The following PPHLN1 variants were observed in gnomAD, a reference collection of about 807,000 sequenced individuals.
The protein encoded by PPHLN1 is periphilin-1.
PPHLN1 carries 29 observed loss-of-function variants against 51.3 expected under a neutral mutation model. That is an observed-to-expected ratio of 0.57 (90% CI 0.42 to 0.77). PPHLN1 has a LOEUF of 0.77. PPHLN1 is among the 30% of genes least tolerant of loss of function. The pLI is 0.00. For missense variants in PPHLN1, 436 were observed against 438.4 expected (o/e 0.99, Z 0.05); for synonymous variants, 147 against 147.8 (o/e 0.99, Z 0.04).
chr12:42,428,820 C>CTT (rs59053077), intron 9 of PPHLN1, among the ~76,000 whole-genome samples: 22,176 of 117,800 alleles, frequency 0.19, 1,959 homozygotes, highest in African/African-American at 0.26. Flanking sequence ...TTTTTAACTT[C>CTT]TTTTTTTTTT....
chr12:42,351,842 G>C (rs1393524881), intron 2 of PPHLN1, 43 bp from the exon 3 acceptor site: 1 of 1,491,390 alleles, frequency 6.7e-7, no homozygotes, highest in Admixed American at 2.7e-5. Context: ...AAACCAAATA[G>C]AGAAATTAGT....
In PPHLN1 at chr12:42,426,228, A is replaced by C. The variant is rs74078949; in HGVS notation, c.910-15087A>C. On this transcript the variant is annotated intron_variant, in intron 9 of 9. Coordinates refer to ENST00000358314, the MANE Select transcript of PPHLN1 (RefSeq NM_201439.2). ...CACACACACACACACACACACACAC[A>C]CCCTCATGCATTGTCTCATGGCAGT... 8.1e-3 allele frequency among the ~76,000 whole-genome samples: 1,055 copies of C among 129,834 alleles called. 9 individuals are homozygous for C. The highest frequency in any genetic ancestry group is 0.023 in the South Asian group (93 of 3,962). The allele number at this position is 129,834 out of a possible 152,430, so 85.2% of individuals were successfully genotyped here. A position where few individuals can be genotyped will look rare whatever the true frequency, so the allele number is the denominator to read the frequency against.
chr12:42,419,069 C>A (rs547928850), intron 9 of PPHLN1, among the ~76,000 whole-genome samples: 96 of 152,090 alleles, frequency 6.3e-4, no homozygotes, highest in African/African-American at 2.2e-3. Flanking sequence ...AAAATAAAAA[C>A]AAAGAAATTG....
intron 9 of PPHLN1, among the ~76,000 whole-genome samples, chr12:42,423,832 A>G (rs1455921496): frequency 6.6e-6 from 1 of 152,084 alleles, no homozygotes; most frequent in Non-Finnish European, 1.5e-5. Flanking sequence ...ATGAGCCACC[A>G]CACCCAGCTA....
intron 8 of PPHLN1, among the ~76,000 whole-genome samples, chr12:42,398,276 G>C (rs2078456786): frequency 6.6e-6 from 1 of 152,086 alleles, no homozygotes; most frequent in South Asian, 2.1e-4. Flanking sequence ...AATGATTTCA[G>C]TGAATTATTA....
chr12:42,361,802 T>C (rs1433215012), intron 4 of PPHLN1: 2 of 152,268 alleles, frequency 1.3e-5, no homozygotes, highest in African/African-American at 4.8e-5. Flanking sequence ...TGAATTGTTT[T>C]CAACTTTTGG....
intron 9 of PPHLN1, among the ~76,000 whole-genome samples, chr12:42,411,903 CAAAAA>C (rs1212289027): frequency 2.9e-5 from 1 of 33,986 alleles, no homozygotes; most frequent in East Asian, 1.1e-3. Context: ...GACTCAGTCT[CAAAAA>C]AAAAAAAAAA....
chr12:42,353,888 T>C (rs1217578539), intron 3 of PPHLN1, among the ~76,000 whole-genome samples: 1 of 152,218 alleles, frequency 6.6e-6, no homozygotes, highest in Non-Finnish European at 1.5e-5. Context: ...TGTTACCAAT[T>C]GTGTTTGTCT....
At position 42,442,026 on chromosome 12, in the gene PPHLN1, C is replaced by T. The variant is rs2083006287; in HGVS notation, c.*517C>T. ...GAGCACTTAAATCTCTGAGAGATAC[C>T]TCAGAAAAAAATCCGTTTTTCCAAG... On this transcript the variant is annotated 3_prime_UTR_variant, in exon 10 of 10. Coordinates refer to ENST00000358314, the MANE Select transcript of PPHLN1 (RefSeq NM_201439.2). 1.1e-6 allele frequency: 1 copy of T among 942,652 alleles called. No individual in the cohort carries two copies. Among genetic ancestry groups the T allele is most frequent in the Non-Finnish European group, 1.3e-6 (1 of 791,138 alleles). The allele number at this position is 942,652 out of a possible 1,614,324, so 58.4% of individuals were successfully genotyped here.
At chr12:42,352,726 C>G (rs901115971) in intron 3 of PPHLN1, among the ~76,000 whole-genome samples, 7 of 152,022 alleles carry the variant, frequency 4.6e-5, no homozygotes, top group Admixed American at 3.9e-4. Flanking sequence ...AGCCACCACT[C>G]CCAGCCTAAA....
At chr12:42,416,943 A>G (rs2080442011) in intron 9 of PPHLN1, among the ~76,000 whole-genome samples, 1 of 152,194 alleles carries the variant, frequency 6.6e-6, no homozygotes, top group Non-Finnish European at 1.5e-5. Flanking sequence ...CCAGAAAAAA[A>G]GTGTTTGAAT....
downstream of PPHLN1, chr12:42,446,397 C>T: frequency 7.0e-7 from 1 of 1,435,640 alleles, no homozygotes; most frequent in Non-Finnish European, 9.3e-7. Context: ...CCCTTCCCAG[C>T]GTCTAGCAGT....
At chr12:42,329,094 A>ATTTTTTTTTTTTTTT (rs775555753) in intron 1 of PPHLN1, among the ~76,000 whole-genome samples, 4 of 141,426 alleles carry the variant, frequency 2.8e-5, no homozygotes, top group African/African-American at 1.1e-4. Flanking sequence ...TGGAATTTCA[A>ATTTTTTTTTTTTTTT]TTTTTTTTTT....
At chr12:42,413,811 C>T (rs976714687) in intron 9 of PPHLN1, among the ~76,000 whole-genome samples, 2 of 152,082 alleles carry the variant, frequency 1.3e-5, no homozygotes, top group Non-Finnish European at 2.9e-5. Context: ...GATCCGCCCA[C>T]CTCAGCCTCC....
At chr12:42,369,945 C>T (rs1334771996) in intron 4 of PPHLN1, among the ~76,000 whole-genome samples, 1 of 152,180 alleles carries the variant, frequency 6.6e-6, no homozygotes, top group East Asian at 1.9e-4. Flanking sequence ...GCCTCTGTAT[C>T]GTGATTTAAT....
At chr12:42,359,492 C>CAA (rs373515823) in intron 4 of PPHLN1, 6 of 152,328 alleles carry the variant, frequency 3.9e-5, no homozygotes, top group African/African-American at 1.4e-4. Context: ...CTTCACTTGA[C>CAA]GTCTGAGTTA....
chr12:42,423,084 C>CT (rs56959606), intron 9 of PPHLN1, among the ~76,000 whole-genome samples: 24,763 of 152,100 alleles, frequency 0.16, 2,067 homozygotes, highest in Admixed American at 0.2. Flanking sequence ...CTAAGTATTT[C>CT]TCTGATTCTT....
At chr12:42,378,395 A>G (rs956793189) in intron 5 of PPHLN1, among the ~76,000 whole-genome samples, 7 of 152,108 alleles carry the variant, frequency 4.6e-5, no homozygotes, top group African/African-American at 1.7e-4. Context: ...TTTTGCTTTA[A>G]ATGTCACAAA....
intron 2 of PPHLN1, chr12:42,347,053 C>G (rs1349939795): frequency 6.6e-6 from 1 of 152,104 alleles, no homozygotes; most frequent in Non-Finnish European, 1.5e-5. Flanking sequence ...ACCCAGCTGG[C>G]CTTTTTGTTT....
Sources: allele counts gnomAD v4.1 joint callset (sites outside exome capture counted in the v4.1 genomes callset), GRCh38; gene constraint gnomAD v4.1.1; transcripts MANE v1.5; gene names NCBI Gene and HGNC (gene_info 2026-07-23, HGNC 2026-07-21).